Variants in BTBD16 observed in about 807,000 individuals in gnomAD.
The protein encoded by BTBD16 is BTB/POZ domain-containing protein 16.
A neutral mutation model predicts 67.4 loss-of-function variants in BTBD16; 66 were observed. That is an observed-to-expected ratio of 0.98 (90% CI 0.80 to 1.20). The LOEUF (loss-of-function observed/expected upper bound fraction) is 1.20. Among genes scored for constraint, BTBD16 ranks in the 50% most tolerant of loss-of-function variants. The pLI, the probability that BTBD16 is intolerant of heterozygous loss-of-function variation, is 0.00. For missense variants in BTBD16, 634 were observed against 616.0 expected (o/e 1.03, Z -0.31); for synonymous variants, 242 against 236.4 (o/e 1.02, Z -0.22).
rs979283393 is a variant in BTBD16, at chr10:122,332,076, G to A, written c.1087-360G>A. Reference sequence around the variant, plus strand: ...TGCCAACGTCATCCTCTCCAATTCCGCTCCCTCTCCTCCCCAGCCCTCACC... The same window carrying A: ...TGCCAACGTCATCCTCTCCAATTCCACTCCCTCTCCTCCCCAGCCCTCACC... On this transcript the variant is annotated intron_variant, in intron 12 of 15. Coordinates refer to ENST00000260723, the MANE Select transcript of BTBD16 (RefSeq NM_144587.5). The A allele has an allele frequency of 1.1e-4, 21 of 192,668 alleles. No individual in the cohort carries two copies. The South Asian group carries it at 1.2e-3, about 11-fold the overall frequency. The allele number at this position is 192,668 out of a possible 1,614,324, so 11.9% of individuals were successfully genotyped here.
chr10:122,310,862 C>G (rs2096412537), intron 10 of BTBD16, among the ~76,000 whole-genome samples: 1 of 152,178 alleles, frequency 6.6e-6, no homozygotes, highest in South Asian at 2.1e-4. Flanking sequence ...TCACCCGGAC[C>G]TTGACCCTAC....
At chr10:122,335,415 G>A (rs993105726) in intron 14 of BTBD16, among the ~76,000 whole-genome samples, 1 of 152,258 alleles carries the variant, frequency 6.6e-6, no homozygotes, top group Non-Finnish European at 1.5e-5. Flanking sequence ...AAAGTCAGGA[G>A]GGTGCTTGAC....
intron 3 of BTBD16, among the ~76,000 whole-genome samples, chr10:122,281,561 G>C (rs1324672657): frequency 6.6e-6 from 1 of 152,090 alleles, no homozygotes; most frequent in East Asian, 1.9e-4. Flanking sequence ...TACCATGCCA[G>C]GCTCCATCAG....
intron 7 of BTBD16, chr10:122,294,113 T>G: frequency 1.0e-6 from 1 of 985,244 alleles, no homozygotes; most frequent in Non-Finnish European, 1.2e-6. Flanking sequence ...ATAATTGTGG[T>G]GGGGCTGGGA....
chr10:122,272,122 G>A (rs778635523), intron 1 of BTBD16, among the ~76,000 whole-genome samples: 1 of 152,184 alleles, frequency 6.6e-6, no homozygotes, highest in Non-Finnish European at 1.5e-5. Context: ...AGAAAAGCAT[G>A]TATGTGTTAC....
rs75663400 is a variant in BTBD16 at position 122,285,453 on chromosome 10, G to C, written c.242-652G>C. Among the ~76,000 whole-genome samples, 509 of 152,260 alleles carry C rather than the reference G, an allele frequency of 3.3e-3. 12 individuals are homozygous for C. The East Asian group carries it at 0.051, about 15-fold the overall frequency. On this transcript the variant is annotated intron_variant, in intron 4 of 15. Coordinates refer to ENST00000260723, the MANE Select transcript of BTBD16 (RefSeq NM_144587.5). ...AGAGGGTCATGAGAATCCTACCCTC[G>C]TTGGTGGGCCTGCTATTGCCTTTCA...
At chr10:122,282,599 C>T (rs144328839) in intron 3 of BTBD16, among the ~76,000 whole-genome samples, 4 of 152,318 alleles carry the variant, frequency 2.6e-5, no homozygotes, top group African/African-American at 9.6e-5. Flanking sequence ...CTTTAAGCTG[C>T]GAATATGTGA....
intron 11 of BTBD16, among the ~76,000 whole-genome samples, chr10:122,329,834 G>A (rs1401129887): frequency 6.6e-6 from 1 of 152,044 alleles, no homozygotes; most frequent in Non-Finnish European, 1.5e-5. Context: ...AGCAGTGTAC[G>A]GCTGCCAAGG....
At chr10:122,279,511 A>AACACACACACACACACACACACACACAC (rs143637448) in intron 3 of BTBD16, among the ~76,000 whole-genome samples, 7 of 143,868 alleles carry the variant, frequency 4.9e-5, no homozygotes, top group Non-Finnish European at 7.6e-5. Context: ...GAGAAAGAGA[A>AACACACACACACACACACACACACACAC]ACACACACAC....
chr10:122,328,086 C>T (rs1216257673), intron 10 of BTBD16, among the ~76,000 whole-genome samples: 1 of 152,182 alleles, frequency 6.6e-6, no homozygotes, highest in East Asian at 1.9e-4. Flanking sequence ...GCTGCCCAGC[C>T]ATGATGACGC....
chr10:122,331,792 G>A (rs1202822414), intron 12 of BTBD16, among the ~76,000 whole-genome samples: 1 of 152,152 alleles, frequency 6.6e-6, no homozygotes, highest in African/African-American at 2.4e-5. Flanking sequence ...TTCTGAAGAT[G>A]TATGAGTCAC....
chr10:122,335,014 GAC>G, intron 14 of BTBD16, 35 bp downstream of exon 14: 1 of 1,043,636 alleles, frequency 9.6e-7, no homozygotes, highest in South Asian at 1.4e-5. Flanking sequence ...ATGTCTCTGA[GAC>G]AGTCTTTTAG....
chr10:122,332,218 C>T (rs2096456247), intron 12 of BTBD16: 4 of 530,564 alleles, frequency 7.5e-6, no homozygotes, highest in African/African-American at 3.8e-5. Flanking sequence ...TTTGTCTTCT[C>T]CTTGCATCCT....
chr10:122,324,198 TTCC>T (rs2096440366), intron 10 of BTBD16, among the ~76,000 whole-genome samples: 1 of 152,228 alleles, frequency 6.6e-6, no homozygotes, highest in African/African-American at 2.4e-5. Context: ...ACTGGATGAA[TTCC>T]TCCTCTTAGC....
Position 122,303,694 on chromosome 10 carries a change from T to C in BTBD16, c.792-3495T>C, listed in dbSNP as rs570881924. 7 of 884,820 alleles carry C rather than the reference T, an allele frequency of 7.9e-6. No individual in the cohort carries two copies. In the Admixed American group the frequency reaches 2.5e-4, roughly 31 times the overall value. 54.8% of individuals were successfully genotyped at this position (884,820 alleles called of 1,614,324 possible). ...CAGTGTCTTATGAAAAGCATTTTTT[T>C]CCCCTAAAGAACAATTACCATTTAC... On this transcript the variant is annotated intron_variant, in intron 9 of 15. Coordinates refer to ENST00000260723, the MANE Select transcript of BTBD16 (RefSeq NM_144587.5).
At chr10:122,303,993 A>G (rs1325228742) in intron 9 of BTBD16, among the ~76,000 whole-genome samples, 2 of 152,222 alleles carry the variant, frequency 1.3e-5, no homozygotes, top group Non-Finnish European at 2.9e-5. Flanking sequence ...GGACTCCCCC[A>G]TGTTGCTGCT....
rs1329724633 is a variant in BTBD16 at position 122,309,907 on chromosome 10, G to GA, written c.911+2600dup. 2.0e-5 allele frequency among the ~76,000 whole-genome samples: 3 copies of GA among 151,914 alleles called. No homozygotes were observed. The East Asian group carries it at 5.8e-4, about 30-fold the overall frequency. On this transcript the variant is annotated intron_variant, in intron 10 of 15. Transcript: ENST00000260723. ...GTGCCTCAGCCTCCCAAGTAGCTGGGACTACAGGCACGTGCCACCACGCCC... is the reference window on the plus strand; with the variant it reads ...GTGCCTCAGCCTCCCAAGTAGCTGGGAACTACAGGCACGTGCCACCACGCCC...
intron 15 of BTBD16, among the ~76,000 whole-genome samples, chr10:122,336,886 C>G (rs1447882845): frequency 2.0e-5 from 3 of 152,138 alleles, no homozygotes; most frequent in Admixed American, 6.5e-5. Context: ...ATACAGGTAA[C>G]TATAACCCAA....
intron 1 of BTBD16, among the ~76,000 whole-genome samples, chr10:122,273,221 G>GAGATAT (rs1554885564): frequency 2.3e-5 from 3 of 129,470 alleles, no homozygotes; most frequent in Admixed American, 1.6e-4. Flanking sequence ...GCAACACAAA[G>GAGATAT]ATATATATAT....
Sources: allele counts gnomAD v4.1 joint callset (sites outside exome capture counted in the v4.1 genomes callset), GRCh38; gene constraint gnomAD v4.1.1; transcripts MANE v1.5; gene names NCBI Gene and HGNC (gene_info 2026-07-23, HGNC 2026-07-21).